Variants in CNTN4 observed in about 807,000 individuals in gnomAD.
The protein encoded by CNTN4 is contactin 4, also known as contactin-4.
CNTN4 carries 77 observed loss-of-function variants against 122.5 expected under a neutral mutation model. The observed-to-expected ratio is 0.63, with a 90% CI of 0.52 to 0.76. The LOEUF (loss-of-function observed/expected upper bound fraction) is 0.76, where lower values mean the gene tolerates loss of function less well. Ranked by LOEUF, CNTN4 falls within the 30% of genes least tolerant of loss-of-function variation. The pLI, the probability that CNTN4 is intolerant of heterozygous loss-of-function variation, is 0.00. For synonymous variants in CNTN4, 512 were observed against 447.0 expected (o/e 1.15, Z -1.83); for missense variants, 1,256 against 1,259.1 (o/e 1.00, Z 0.04).
chr3:2,357,598 T>G (rs1177333379), intron 3 of CNTN4, among the ~76,000 whole-genome samples: 3 of 152,226 alleles, frequency 2.0e-5, no homozygotes, highest in African/African-American at 4.8e-5. Flanking sequence ...GATTGTTGAT[T>G]GATACTAAAA....
At chr3:2,869,329 C>T (rs2093759563) in intron 8 of CNTN4, among the ~76,000 whole-genome samples, 1 of 151,580 alleles carries the variant, frequency 6.6e-6, no homozygotes, top group South Asian at 2.1e-4. Flanking sequence ...GGGGGTGAAA[C>T]TAGGGGGTAA....
At chr3:2,844,034 C>G (rs1249873477) in intron 7 of CNTN4, among the ~76,000 whole-genome samples, 1 of 152,202 alleles carries the variant, frequency 6.6e-6, no homozygotes, top group Admixed American at 6.5e-5. Flanking sequence ...AACCCCCATC[C>G]TTCTGTTCCA....
chr3:2,158,702 A>G (rs2035828973), intron 2 of CNTN4, among the ~76,000 whole-genome samples: 1 of 152,232 alleles, frequency 6.6e-6, no homozygotes, highest in Non-Finnish European at 1.5e-5. Flanking sequence ...CTGCATAGAA[A>G]AAGTCCAGAA....
At chr3:2,487,799 T>C (rs2076205398) in intron 3 of CNTN4, among the ~76,000 whole-genome samples, 1 of 152,224 alleles carries the variant, frequency 6.6e-6, no homozygotes. Context: ...TCTCCTATTG[T>C]ATTTGGCACA....
At chr3:2,902,612 G>T (rs996696802) in intron 11 of CNTN4, among the ~76,000 whole-genome samples, 1 of 152,140 alleles carries the variant, frequency 6.6e-6, no homozygotes, top group Non-Finnish European at 1.5e-5. Context: ...ATATTAATCT[G>T]AATGGCTCCA....
chr3:2,507,679 G>A (rs1471655874), intron 3 of CNTN4, among the ~76,000 whole-genome samples: 1 of 149,080 alleles, frequency 6.7e-6, no homozygotes, highest in Admixed American at 6.7e-5. Flanking sequence ...AGGTTGCAGT[G>A]AGCCGAGATT....
chr3:2,594,045 C>G (rs532908041), intron 4 of CNTN4, among the ~76,000 whole-genome samples: 1 of 152,062 alleles, frequency 6.6e-6, no homozygotes, highest in Non-Finnish European at 1.5e-5. Context: ...TATTTGAGAA[C>G]AGCATGAAAA....
At chr3:2,427,973 G>T (rs569153760) in intron 3 of CNTN4, among the ~76,000 whole-genome samples, 4 of 151,782 alleles carry the variant, frequency 2.6e-5, no homozygotes, top group African/African-American at 4.9e-5. Context: ...GTCTCTTCAC[G>T]TGAGATGGGT....
intron 2 of CNTN4, among the ~76,000 whole-genome samples, chr3:2,271,296 A>G (rs997530457): frequency 6.6e-6 from 1 of 152,120 alleles, no homozygotes; most frequent in African/African-American, 2.4e-5. Context: ...GAAAGAATAC[A>G]TGTTTACAGC....
intron 3 of CNTN4, among the ~76,000 whole-genome samples, chr3:2,539,263 C>T (rs185881518): frequency 6.6e-6 from 1 of 152,008 alleles, no homozygotes; most frequent in Non-Finnish European, 1.5e-5. Context: ...CAATTTAATG[C>T]TACATTTTAG....
At chr3:2,270,735 G>C (rs1052239073) in intron 2 of CNTN4, among the ~76,000 whole-genome samples, 2 of 123,344 alleles carry the variant, frequency 1.6e-5, no homozygotes, top group Admixed American at 1.6e-4. Context: ...AGAAAATGGA[G>C]CTCAGGAGGA....
intron 3 of CNTN4, among the ~76,000 whole-genome samples, chr3:2,454,061 T>C (rs1245541771): frequency 7.1e-6 from 1 of 141,624 alleles, no homozygotes; most frequent in Non-Finnish European, 1.5e-5. Context: ...CCCCATATTA[T>C]AAGCAAAGAA....
intron 3 of CNTN4, among the ~76,000 whole-genome samples, chr3:2,378,426 T>G (rs1429042054): frequency 6.6e-6 from 1 of 152,104 alleles, no homozygotes; most frequent in Non-Finnish European, 1.5e-5. Flanking sequence ...TCCCATTGCG[T>G]TTTTTGGCCA....
At chr3:2,970,377 A>C (rs1054452003) in intron 13 of CNTN4, among the ~76,000 whole-genome samples, 1 of 152,186 alleles carries the variant, frequency 6.6e-6, no homozygotes, top group African/African-American at 2.4e-5. Flanking sequence ...GATTATAGGC[A>C]TGAGCCACTG....
At position 2,849,986 on chromosome 3, in the gene CNTN4, C is replaced by CTTTTTTT. The variant is rs746657018; in HGVS notation, c.455-16764_455-16758dup. ...CCATTTTGGAAAATGTTAGCAATCA[C>CTTTTTTT]TTTTTTTTCTTTTTTTTTTCTGAGA... On this transcript the variant is annotated intron_variant, in intron 7 of 24. Transcript: ENST00000418658. Among the ~76,000 whole-genome samples the CTTTTTTT allele has an allele frequency of 1.1e-4, 16 of 140,698 alleles. 5 individuals carry two copies. The highest frequency in any genetic ancestry group is 1.1e-4 in the Non-Finnish European group (7 of 65,412). 92.3% of individuals were successfully genotyped at this position (140,698 alleles called of 152,430 possible).
intron 4 of CNTN4, among the ~76,000 whole-genome samples, chr3:2,586,394 G>T (rs529720097): frequency 4.6e-5 from 7 of 152,200 alleles, no homozygotes; most frequent in Non-Finnish European, 7.3e-5. Flanking sequence ...CCACGTTCAA[G>T]CGATTCTCCT....
chr3:3,037,376 C>A, intron 18 of CNTN4, 48 bp downstream of exon 18: 1 of 1,613,164 alleles, frequency 6.2e-7, no homozygotes, highest in Non-Finnish European at 8.5e-7. Flanking sequence ...AGCTGCTGTT[C>A]CTTAGGAAAA....
chr3:2,575,332 C>T (rs1000029732), intron 4 of CNTN4, among the ~76,000 whole-genome samples: 2 of 151,948 alleles, frequency 1.3e-5, no homozygotes, highest in African/African-American at 2.4e-5. Context: ...GCCAACATGG[C>T]GAAACCCAGT....
chr3:2,130,887 C>T (rs924249263), intron 2 of CNTN4, among the ~76,000 whole-genome samples: 2 of 152,078 alleles, frequency 1.3e-5, no homozygotes, highest in African/African-American at 4.8e-5. Context: ...TGGGCAATGG[C>T]CAAGCATGTT....
Sources: gnomAD v4.1 joint callset for allele counts (sites outside exome capture counted in the v4.1 genomes callset) on GRCh38, gnomAD v4.1.1 for gene constraint, MANE v1.5 for transcripts, NCBI Gene and HGNC (gene_info 2026-07-23, HGNC 2026-07-21) for gene names.